ARRB1: variants seen among roughly 807,000 people sequenced by gnomAD.
The protein encoded by ARRB1 is beta-arrestin-1.
A neutral mutation model predicts 56.8 loss-of-function variants in ARRB1; 21 were observed. The observed-to-expected ratio is 0.37, with a 90% confidence interval of 0.26 to 0.53. The LOEUF is 0.53. Among genes scored for constraint, ARRB1 ranks in the 20% least tolerant of loss-of-function variants. The probability of loss-of-function intolerance (pLI) is 0.88; values close to 1 mark genes in which losing one functional copy is unlikely to be tolerated. For missense variants in ARRB1, 424 were observed against 553.7 expected (o/e 0.77, Z 2.35); for synonymous variants, 210 against 218.6 (o/e 0.96, Z 0.35).
At chr11:75,312,629 A>T (rs901378547) in intron 1 of ARRB1, among the ~76,000 whole-genome samples, 1 of 152,276 alleles carries the variant, frequency 6.6e-6, no homozygotes, top group African/African-American at 2.4e-5. Context: ...GATTTTGTTC[A>T]GGGCCTTGAG....
intron 11 of ARRB1, 97 bp downstream of exon 11, chr11:75,273,977 G>T (rs1946134683): frequency 5.8e-6 from 9 of 1,564,054 alleles, no homozygotes; most frequent in Non-Finnish European, 7.9e-6. Context: ...GGAGAGGGTA[G>T]CCTGAGCCTT....
At chr11:75,305,018 CTTTTTT>C (rs35323331) in intron 1 of ARRB1, among the ~76,000 whole-genome samples, 8 of 86,742 alleles carry the variant, frequency 9.2e-5, no homozygotes, top group Non-Finnish European at 1.8e-4. Flanking sequence ...TTCTTTCTTT[CTTTTTT>C]TTTTTTTTTT....
In ARRB1 at chr11:75,287,340, G is replaced by C; in HGVS notation, c.87C>G (p.Asp29Glu). The C allele has an allele frequency of 6.4e-7, 1 of 1,559,832 alleles. No individual in the cohort carries two copies. The highest frequency in any genetic ancestry group is 8.7e-7 in the Non-Finnish European group (1 of 1,151,400). The change falls in exon 3 of 16, where the codon GAC becomes GAG. Residue 29 changes from aspartate (D) to glutamate (E), a missense_variant. Physicochemically the swap from Asp to Glu is conservative, Grantham distance 45. Around this residue, in one of 3 missense-constraint regions of ARRB1, gnomAD observed 301 missense variants for 387.9 expected, o/e 0.78. Transcript: ENST00000420843. ...TVYLGKRDFV[D>E]HIDLVDPVDG... ...CCACAGGGTCCACGAGGTCGATGTGGTCCACAAAGTCCCGCTTTCCCAGGT... is the reference window on the plus strand; with the variant it reads ...CCACAGGGTCCACGAGGTCGATGTGCTCCACAAAGTCCCGCTTTCCCAGGT...
At chr11:75,290,369 C>T (rs1240886018) in intron 1 of ARRB1, among the ~76,000 whole-genome samples, 1 of 152,178 alleles carries the variant, frequency 6.6e-6, no homozygotes, top group African/African-American at 2.4e-5. Context: ...GTGATCTACC[C>T]TCACCTCCCG....
At position 75,291,045 on chromosome 11, in the gene ARRB1, G is replaced by T. The variant is rs1054317954; in HGVS notation, c.21-1006C>A. 5.3e-5 allele frequency among the ~76,000 whole-genome samples: 8 copies of T among 152,182 alleles called. No individual in the cohort carries two copies. In the South Asian group the frequency reaches 6.2e-4, roughly 12 times the overall value. ...TATCCCAAGCACCCAGAACAGCACT[G>T]CAATCATTGTTTAATAAATGATGGG... On this transcript the variant is annotated intron_variant, in intron 1 of 15. Transcript: ENST00000420843.
intron 6 of ARRB1, 168 bp downstream of exon 6, chr11:75,281,794 T>C: frequency 1.5e-6 from 1 of 672,436 alleles, no homozygotes; most frequent in Admixed American, 2.7e-5. Context: ...TGCTGCCCTG[T>C]CTGAAGAGAG....
chr11:75,273,095 C>A, intron 11 of ARRB1, 117 bp from the exon 12 acceptor site: 1 of 816,866 alleles, frequency 1.2e-6, no homozygotes, highest in Non-Finnish European at 2.0e-6. Flanking sequence ...AGCCACTCAG[C>A]TACCATGTCC....
chr11:75,315,243 C>G (rs1210540685), intron 1 of ARRB1, among the ~76,000 whole-genome samples: 1 of 152,156 alleles, frequency 6.6e-6, no homozygotes, highest in East Asian at 1.9e-4. Context: ...TGTGATCCAT[C>G]CAGGTATCTG....
At chr11:75,316,320 CTG>C in intron 1 of ARRB1, among the ~76,000 whole-genome samples, 1 of 145,286 alleles carries the variant, frequency 6.9e-6, no homozygotes, top group Non-Finnish European at 1.5e-5. Context: ...GAGTGAGACT[CTG>C]TCAAAAAAAA....
In ARRB1 at chr11:75,317,923, G is replaced by A. The variant is rs75602766; in HGVS notation, c.21-27884C>T. Among the ~76,000 whole-genome samples the A allele has an allele frequency of 1.5e-3, 225 of 152,100 alleles. 1 individual carries two copies. The highest frequency in any genetic ancestry group is 4.8e-3 in the African/African-American group (198 of 41,488). On this transcript the variant is annotated intron_variant, in intron 1 of 15. Coordinates refer to ENST00000420843, the MANE Select transcript of ARRB1 (RefSeq NM_004041.5). ...ACTAGCTACATAATTTGTGGGCCCC[G>A]GTGCAAACTGAAAATGTGCTCAGAT...
In ARRB1 at chr11:75,265,367, C is replaced by T. The variant is rs1945885830; in HGVS notation, c.*796G>A. 6.6e-6 allele frequency: 1 copy of T among 152,318 alleles called. No individual in the cohort carries two copies. Among genetic ancestry groups the T allele is most frequent in the Admixed American group, 6.5e-5 (1 of 15,280 alleles). 9.4% of individuals were successfully genotyped at this position (152,318 alleles called of 1,614,324 possible). ...GGGGCTGGTGCTTGCTGAAGACCCC[C>T]TCCCTCCCTCCCTCTGCTTTTCTCT... On this transcript the variant is annotated 3_prime_UTR_variant, in exon 16 of 16. Coordinates refer to ENST00000420843, the MANE Select transcript of ARRB1 (RefSeq NM_004041.5).
chr11:75,272,984 A>C lies in ARRB1; in HGVS notation c.915-6T>G. 6.2e-7 allele frequency: 1 copy of C among 1,613,786 alleles called. No homozygotes were observed. The highest frequency in any genetic ancestry group is 1.1e-5 in the South Asian group (1 of 91,054). ...GGTTGGCACCTTCCCTCAACCTGCAAAGTGACACAGGGGAGCCAGTTCAGG... is the reference window on the plus strand; with the variant it reads ...GGTTGGCACCTTCCCTCAACCTGCACAGTGACACAGGGGAGCCAGTTCAGG... On this transcript the variant is annotated splice_polypyrimidine_tract_variant and splice_region_variant and intron_variant, in intron 11 of 15. Transcript: ENST00000420843.
chr11:75,281,295 C>T (rs1380284558), intron 6 of ARRB1, among the ~76,000 whole-genome samples, 153 bp from the exon 7 acceptor site: 2 of 152,156 alleles, frequency 1.3e-5, no homozygotes, highest in Non-Finnish European at 2.9e-5. Context: ...AGCGGGGGAA[C>T]GCCCTTGTGC....
chr11:75,320,479 G>C (rs1947329133), intron 1 of ARRB1, among the ~76,000 whole-genome samples: 1 of 152,218 alleles, frequency 6.6e-6, no homozygotes, highest in Non-Finnish European at 1.5e-5. Flanking sequence ...TGGCTGGATG[G>C]TGGCCCTGAG....
intron 1 of ARRB1, among the ~76,000 whole-genome samples, chr11:75,322,909 G>A (rs927816475): frequency 6.6e-6 from 1 of 152,174 alleles, no homozygotes; most frequent in Non-Finnish European, 1.5e-5. Flanking sequence ...TTACAACAGT[G>A]TCTACTTCCT....
At chr11:75,290,920 C>T (rs1002168621) in intron 1 of ARRB1, among the ~76,000 whole-genome samples, 2 of 152,128 alleles carry the variant, frequency 1.3e-5, no homozygotes, top group East Asian at 1.9e-4. Context: ...TTACCACTTT[C>T]GAATGTACAC....
chr11:75,278,019 G>C (rs1220197856), intron 8 of ARRB1, among the ~76,000 whole-genome samples: 1 of 152,210 alleles, frequency 6.6e-6, no homozygotes, highest in South Asian at 2.1e-4. Flanking sequence ...AGGTGAGGAT[G>C]GGCTCACCAG....
chr11:75,284,153 T>C, intron 4 of ARRB1, 82 bp downstream of exon 4: 1 of 1,393,682 alleles, frequency 7.2e-7, no homozygotes, highest in African/African-American at 1.4e-5. Flanking sequence ...CCAGTGGGGA[T>C]GGGCAGGGAG....
At chr11:75,295,278 G>A (rs1946711128) in intron 1 of ARRB1, among the ~76,000 whole-genome samples, 2 of 148,928 alleles carry the variant, frequency 1.3e-5, no homozygotes, top group South Asian at 2.1e-4. Flanking sequence ...CTTATAGTTT[G>A]GTAGTTCAGA....
Sources: gnomAD v4.1 joint callset for allele counts (sites outside exome capture counted in the v4.1 genomes callset) on GRCh38, gnomAD v4.1.1 for gene constraint, gnomAD v4.1.1 regional missense constraint, MANE v1.5 for transcripts, NCBI Gene and HGNC (gene_info 2026-07-23, HGNC 2026-07-21) for gene names.